Variants in UNC5A observed in about 807,000 individuals in gnomAD.
UNC5A encodes unc-5 netrin receptor A.
Under a neutral mutation model 87.4 loss-of-function variants are expected in UNC5A, and 20 were observed. That is an observed-to-expected ratio of 0.23 (90% CI 0.16 to 0.33). UNC5A has a LOEUF of 0.33. Among genes scored for constraint, UNC5A ranks in the 10% least tolerant of loss-of-function variants. UNC5A has a pLI of 1.00. For missense variants in UNC5A, 844 were observed against 1,133.4 expected (o/e 0.74, Z 3.67); for synonymous variants, 438 against 482.3 (o/e 0.91, Z 1.20).
intron 1 of UNC5A, among the ~76,000 whole-genome samples, chr5:176,831,783 C>T (rs1442222551): frequency 2.0e-5 from 3 of 152,140 alleles, no homozygotes; most frequent in African/African-American, 7.2e-5. Flanking sequence ...ATCCCCACTG[C>T]TGTACCCACC....
intron 1 of UNC5A, among the ~76,000 whole-genome samples, chr5:176,853,652 G>A (rs1757599341): frequency 1.3e-5 from 2 of 152,220 alleles, no homozygotes; most frequent in South Asian, 4.1e-4. Flanking sequence ...TCCCTTCCAA[G>A]GAGCACTGAG....
intron 2 of UNC5A, among the ~76,000 whole-genome samples, chr5:176,863,124 G>A (rs1213808672): frequency 6.6e-6 from 1 of 152,276 alleles, no homozygotes; most frequent in Non-Finnish European, 1.5e-5. Context: ...CCACTCCCGT[G>A]CTGGGGACAG....
At chr5:176,855,698 T>C (rs1757650607) in intron 1 of UNC5A, among the ~76,000 whole-genome samples, 1 of 152,130 alleles carries the variant, frequency 6.6e-6, no homozygotes, top group Non-Finnish European at 1.5e-5. Flanking sequence ...CCTGTGGCAC[T>C]CCCCATGCCC....
Position 176,851,695 on chromosome 5 carries a change from G to A in UNC5A, c.71-10929G>A, listed in dbSNP as rs369988471. 1.1e-3 allele frequency among the ~76,000 whole-genome samples: 175 copies of A among 152,338 alleles called. 1 individual carries two copies. The highest frequency in any genetic ancestry group is 3.8e-3 in the African/African-American group (156 of 41,578). ...CCCGGAGAGGGGAGGGGAGCATGGGGGCAGGAGGCAGGGGAAGAATGTACT... is the reference window on the plus strand; with the variant it reads ...CCCGGAGAGGGGAGGGGAGCATGGGAGCAGGAGGCAGGGGAAGAATGTACT... On this transcript the variant is annotated intron_variant, in intron 1 of 14. Transcript: ENST00000329542.
At position 176,877,176 on chromosome 5, in the gene UNC5A, C is replaced by G. The variant is rs754870386; in HGVS notation, c.1379-16C>G. 1.2e-6 allele frequency: 2 copies of G among 1,601,620 alleles called. No individual in the cohort carries two copies. The highest frequency in any genetic ancestry group is 3.3e-5 in the Admixed American group (2 of 59,878). Reference sequence around the variant, plus strand: ...TTGGCAGTGGGTAAGCCCTGGCCCTCTTCCTGCCGTTCCAGGAATCAGCCT... The same window carrying G: ...TTGGCAGTGGGTAAGCCCTGGCCCTGTTCCTGCCGTTCCAGGAATCAGCCT... On this transcript the variant is annotated splice_polypyrimidine_tract_variant and intron_variant, in intron 8 of 14. Transcript: ENST00000329542.
rs1758036462 is a variant in UNC5A, at chr5:176,868,797, G to A, written c.554G>A (p.Arg185Gln). 2.5e-6 allele frequency: 4 copies of A among 1,599,268 alleles called. No individual in the cohort carries two copies. Among genetic ancestry groups the A allele is most frequent in the African/African-American group, 1.3e-5 (1 of 74,668 alleles). Reference protein sequence around the residue: ...GIPPAEVEWLRNEDLVDPSLD... With the variant: ...GIPPAEVEWLQNEDLVDPSLD... ...TCCCTCCCCTAGGTGGAGTGGCTCC[G>A]GAACGAGGACCTGGTGGACCCGTCC... Residue 185 changes from arginine to glutamine, a missense_variant, in exon 5 of 15, where the codon CGG becomes CAG. Around this residue, in one of 3 missense-constraint regions of UNC5A, gnomAD observed 314 missense variants for 466.5 expected, o/e 0.67. Transcript: ENST00000329542.
chr5:176,851,429 G>A (rs778551277), intron 1 of UNC5A, among the ~76,000 whole-genome samples: 4 of 152,208 alleles, frequency 2.6e-5, no homozygotes, highest in African/African-American at 7.2e-5. Context: ...GGACCACCCC[G>A]GCCCCAGCTC....
At chr5:176,821,427 T>A (rs2113588645) in intron 1 of UNC5A, among the ~76,000 whole-genome samples, 1 of 152,312 alleles carries the variant, frequency 6.6e-6, no homozygotes, top group Admixed American at 6.5e-5. Flanking sequence ...TCAAGACCTC[T>A]TTCCTTTCAG....
At chr5:176,817,689 C>G (rs1424635588) in intron 1 of UNC5A, among the ~76,000 whole-genome samples, 1 of 151,886 alleles carries the variant, frequency 6.6e-6, no homozygotes, top group Non-Finnish European at 1.5e-5. Flanking sequence ...GCTTGGTACG[C>G]GAGGGCCCTT....
intron 2 of UNC5A, among the ~76,000 whole-genome samples, chr5:176,863,751 C>T (rs1434123393): frequency 9.2e-6 from 1 of 108,224 alleles, no homozygotes; most frequent in East Asian, 3.3e-4. Context: ...CCCTCTCCTC[C>T]TCCCTCCCCT....
At chr5:176,830,341 G>A (rs561931893) in intron 1 of UNC5A, among the ~76,000 whole-genome samples, 208 of 152,314 alleles carry the variant, frequency 1.4e-3, no homozygotes, top group Non-Finnish European at 2.2e-3. Flanking sequence ...GCATGGGTGC[G>A]GTGTGCGCCT....
At position 176,873,522 on chromosome 5, in the gene UNC5A, A is replaced by G. The variant is rs180774771; in HGVS notation, c.887-446A>G. On this transcript the variant is annotated intron_variant, in intron 6 of 14. Coordinates refer to ENST00000329542, the MANE Select transcript of UNC5A (RefSeq NM_133369.3). ...GAGGCAGACAGAGAGAAGGGCCCCC[A>G]AACCCCTGCTCCTGGTCTAGGCACT... is the stretch of plus-strand genomic sequence containing the variant. Among the ~76,000 whole-genome samples, 684 of 152,186 alleles carry G rather than the reference A, an allele frequency of 4.5e-3. 8 individuals are homozygous for G. The highest frequency in any genetic ancestry group is 0.016 in the African/African-American group (664 of 41,512).
rs770418654 is a variant in UNC5A at position 176,874,403 on chromosome 5, C to G, written c.1215C>G (p.Gly405=). ...TNGHLLSPLG[G]GRHTLHHSSP... The stretch of plus-strand genomic sequence containing the variant: ...GGCACCTGCTCAGCCCCCTGGGTGG[C>G]GGCCGCCACACACTGCACCACAGCT... The change falls in exon 8 of 15, where the codon GGC becomes GGG. Residue 405 remains glycine, a synonymous_variant. Transcript: ENST00000329542. The surrounding 1 kb of genome is among the most constrained non-coding windows in gnomAD (Gnocchi z 7.6). The G allele has an allele frequency of 1.9e-6, 3 of 1,613,532 alleles. No individual in the cohort carries two copies. The Admixed American group carries it at 5.0e-5, about 27-fold the overall frequency.
intron 8 of UNC5A, among the ~76,000 whole-genome samples, chr5:176,876,169 A>G (rs1758258024): frequency 6.6e-6 from 1 of 152,174 alleles, no homozygotes; most frequent in South Asian, 2.1e-4. Flanking sequence ...ATGAATGAGG[A>G]TGTAAGTGCG....
intron 1 of UNC5A, among the ~76,000 whole-genome samples, chr5:176,831,768 C>T (rs1426506071): frequency 1.3e-5 from 2 of 152,194 alleles, no homozygotes; most frequent in Admixed American, 6.5e-5. Context: ...GCTCTCAACC[C>T]ACCCATCCCC....
chr5:176,815,388 C>G (rs2113578442), intron 1 of UNC5A, among the ~76,000 whole-genome samples: 1 of 152,302 alleles, frequency 6.6e-6, no homozygotes, highest in South Asian at 2.1e-4. Context: ...GGAGTCTCAC[C>G]CCGTATTCTT....
chr5:176,877,167 C>T lies in UNC5A; in HGVS notation c.1379-25C>T, dbSNP rs749841054. 3 of 1,587,018 alleles carry T rather than the reference C, an allele frequency of 1.9e-6. No individual in the cohort carries two copies. The African/African-American group carries it at 4.0e-5, about 21-fold the overall frequency. On this transcript the variant is annotated intron_variant, in intron 8 of 14. Coordinates refer to ENST00000329542, the MANE Select transcript of UNC5A (RefSeq NM_133369.3). ...TTGGGTGCTTTGGCAGTGGGTAAGC[C>T]CTGGCCCTCTTCCTGCCGTTCCAGG...
In UNC5A at chr5:176,876,836, G is replaced by A. The variant is rs556874636; in HGVS notation, c.1379-356G>A. Among the ~76,000 whole-genome samples, 53 of 152,326 alleles carry A rather than the reference G, an allele frequency of 3.5e-4. 1 individual carries two copies. Among genetic ancestry groups the A allele is most frequent in the Middle Eastern group, 3.4e-3 (1 of 294 alleles). Reference sequence around the variant, plus strand: ...CCTTCAATGCCAGGCCAGGGAGCTGGACTTCATCCGGGGGCAGGGAAGGTT... The same window carrying A: ...CCTTCAATGCCAGGCCAGGGAGCTGAACTTCATCCGGGGGCAGGGAAGGTT... On this transcript the variant is annotated intron_variant, in intron 8 of 14. Coordinates refer to ENST00000329542, the MANE Select transcript of UNC5A (RefSeq NM_133369.3).
chr5:176,869,830 G>A lies in UNC5A; in HGVS notation c.722-540G>A, dbSNP rs1266483233. 1.7e-6 allele frequency: 1 copy of A among 577,104 alleles called. No individual in the cohort carries two copies. The allele number at this position is 577,104 out of a possible 1,614,324, so 35.7% of individuals were successfully genotyped here. A position where few individuals can be genotyped will look rare whatever the true frequency, so the allele number is the denominator to read the frequency against. On this transcript the variant is annotated intron_variant, in intron 5 of 14. Transcript: ENST00000329542. This position sits in a 1 kb window ranked among gnomAD's most constrained non-coding sequence, Gnocchi z 9.1. ...CATCGTTCCTCACCACGCCATCTCC[G>A]TGCCCTGGCTCCATCGCGCCCACCA...
Sources: allele counts gnomAD v4.1 joint callset (sites outside exome capture counted in the v4.1 genomes callset), GRCh38; gene constraint gnomAD v4.1.1; regional missense constraint gnomAD v4.1.1; non-coding constraint Gnocchi (gnomAD v3.1); transcripts MANE v1.5; gene names NCBI Gene and HGNC (gene_info 2026-07-23, HGNC 2026-07-21).